The following ADIPOR2 variants were observed in gnomAD, a reference collection of about 807,000 sequenced individuals.
ADIPOR2 encodes adiponectin receptor protein 2.
In ADIPOR2, 18 loss-of-function variants were observed where a neutral mutation model predicts 40.9. The ratio of observed to expected loss-of-function variants is 0.44; its 90% CI spans 0.30 to 0.65. The LOEUF is 0.65. ADIPOR2 is among the 30% of genes least tolerant of loss of function. The probability of loss-of-function intolerance (pLI) is 0.09; values close to 1 mark genes in which losing one functional copy is unlikely to be tolerated. For synonymous variants in ADIPOR2, 165 were observed against 166.4 expected (o/e 0.99, Z 0.06); for missense variants, 283 against 479.2 (o/e 0.59, Z 3.82).
intron 1 of ADIPOR2, among the ~76,000 whole-genome samples, chr12:1,734,109 C>T (rs1018331674): frequency 6.6e-6 from 1 of 152,100 alleles, no homozygotes; most frequent in African/African-American, 2.4e-5. Flanking sequence ...GTTCTCTAAT[C>T]CTTTGGGTAT....
intron 1 of ADIPOR2, among the ~76,000 whole-genome samples, chr12:1,722,714 G>A (rs1261558464): frequency 1.3e-5 from 2 of 152,188 alleles, no homozygotes; most frequent in African/African-American, 2.4e-5. Flanking sequence ...CCTGGATACA[G>A]TTATTATTTG....
At chr12:1,772,266 T>TC (rs1237259091) in intron 2 of ADIPOR2, among the ~76,000 whole-genome samples, 1 of 152,260 alleles carries the variant, frequency 6.6e-6, no homozygotes, top group African/African-American at 2.4e-5. Context: ...TTGGACAACT[T>TC]ACTTAACTTC....
intron 6 of ADIPOR2, among the ~76,000 whole-genome samples, chr12:1,783,235 C>T (rs928865096): frequency 2.0e-5 from 3 of 151,900 alleles, no homozygotes; most frequent in African/African-American, 4.8e-5. Context: ...AGATGGGATA[C>T]GTAAAATTGC....
chr12:1,783,300 C>A (rs1468731612), intron 6 of ADIPOR2, among the ~76,000 whole-genome samples: 1 of 152,158 alleles, frequency 6.6e-6, no homozygotes, highest in South Asian at 2.1e-4. Context: ...TAAATAAACT[C>A]CTGGAGCTGT....
rs1233884339 is a variant in ADIPOR2 at position 1,755,081 on chromosome 12, C to CTT, written c.171+576_171+577dup. On this transcript the variant is annotated intron_variant, in intron 2 of 7. Transcript: ENST00000357103. The stretch of plus-strand genomic sequence containing the variant: ...TATGGTTAATGTCTTTCTGCTGACT[C>CTT]TTTTTTTTTTAATTTCGGAGACGGA... Among the ~76,000 whole-genome samples the CTT allele has an allele frequency of 1.7e-4, 19 of 114,748 alleles. 4 individuals are homozygous for CTT. The East Asian group carries it at 4.7e-3, about 29-fold the overall frequency. The allele number at this position is 114,748 out of a possible 152,430, so 75.3% of individuals were successfully genotyped here.
At chr12:1,701,670 C>A (rs2094650481) in intron 1 of ADIPOR2, among the ~76,000 whole-genome samples, 1 of 152,080 alleles carries the variant, frequency 6.6e-6, no homozygotes, top group African/African-American at 2.4e-5. Context: ...AAATTATTTT[C>A]TATTATATGA....
chr12:1,725,116 G>A (rs1385534439), intron 1 of ADIPOR2, among the ~76,000 whole-genome samples: 3 of 114,592 alleles, frequency 2.6e-5, no homozygotes, highest in South Asian at 3.3e-4. Context: ...TCCAAATACC[G>A]CAAACTTTCT....
chr12:1,695,301 G>T (rs1049955853), intron 1 of ADIPOR2, among the ~76,000 whole-genome samples: 10 of 146,906 alleles, frequency 6.8e-5, no homozygotes, highest in African/African-American at 2.4e-4. Flanking sequence ...ACCAGTCTGG[G>T]CAACACAGCA....
Position 1,691,167 on chromosome 12 carries a change from G to T in ADIPOR2, c.-111G>T, listed in dbSNP as rs1026643789. 1 of 154,900 alleles carries T rather than the reference G, an allele frequency of 6.5e-6. No individual in the cohort carries two copies. The highest frequency in any genetic ancestry group is 2.4e-5 in the African/African-American group (1 of 41,458). The allele number at this position is 154,900 out of a possible 1,614,324, so 9.6% of individuals were successfully genotyped here. A position where few individuals can be genotyped will look rare whatever the true frequency, so the allele number is the denominator to read the frequency against. On this transcript the variant is annotated 5_prime_UTR_variant, in exon 1 of 8. Coordinates refer to ENST00000357103, the MANE Select transcript of ADIPOR2 (RefSeq NM_024551.3). ...CTCCTCCCCCCTCCCCTCAGCGGTG[G>T]CTCCCAAGAAGTCCGAGACACGCGG...
intron 2 of ADIPOR2, among the ~76,000 whole-genome samples, chr12:1,756,313 G>T (rs7978251): frequency 0.065 from 9,819 of 152,016 alleles, 828 homozygotes; most frequent in African/African-American, 0.19. Flanking sequence ...ACCACATCCG[G>T]CTAATTTTTG....
intron 1 of ADIPOR2, among the ~76,000 whole-genome samples, chr12:1,735,357 A>T (rs1199241686): frequency 1.3e-5 from 2 of 152,160 alleles, no homozygotes; most frequent in Admixed American, 6.5e-5. Flanking sequence ...CTTTGAAGCA[A>T]TTGTGAATGG....
chr12:1,704,286 T>C (rs984664447), intron 1 of ADIPOR2, among the ~76,000 whole-genome samples: 2 of 152,128 alleles, frequency 1.3e-5, no homozygotes, highest in Non-Finnish European at 2.9e-5. Context: ...CAGAGTGATA[T>C]GATTGGTGGA....
chr12:1,722,831 G>C (rs1041956298), intron 1 of ADIPOR2, among the ~76,000 whole-genome samples: 1 of 152,182 alleles, frequency 6.6e-6, no homozygotes, highest in African/African-American at 2.4e-5. Context: ...CCTTAGTTTA[G>C]GGAAGTTAAG....
chr12:1,737,955 T>C (rs1280290774), intron 1 of ADIPOR2, among the ~76,000 whole-genome samples: 1 of 152,202 alleles, frequency 6.6e-6, no homozygotes, highest in Admixed American at 6.5e-5. Flanking sequence ...AAGGTCCCTT[T>C]TTTTGATAAT....
chr12:1,740,632 C>T lies in ADIPOR2; in HGVS notation c.-86-13626C>T, dbSNP rs191254535. On this transcript the variant is annotated intron_variant, in intron 1 of 7. Transcript: ENST00000357103. Reference sequence around the variant, plus strand: ...AGAGGCTACAATCAGTGCACACCGCCAGGGAATTTCTGATAGAAACTTCAT... The same window carrying T: ...AGAGGCTACAATCAGTGCACACCGCTAGGGAATTTCTGATAGAAACTTCAT... 4.6e-5 allele frequency among the ~76,000 whole-genome samples: 7 copies of T among 152,296 alleles called. No individual in the cohort carries two copies. In the East Asian group the frequency reaches 1.3e-3, roughly 29 times the overall value.
At chr12:1,692,004 T>A (rs555270282) in intron 1 of ADIPOR2, among the ~76,000 whole-genome samples, 240 of 152,118 alleles carry the variant, frequency 1.6e-3, no homozygotes, top group African/African-American at 5.2e-3. Context: ...ACTTTTTTTT[T>A]AAAATAAGAT....
chr12:1,710,029 T>G (rs1003795990), intron 1 of ADIPOR2, among the ~76,000 whole-genome samples: 1 of 152,218 alleles, frequency 6.6e-6, no homozygotes, highest in South Asian at 2.1e-4. Flanking sequence ...TTCTAAAACA[T>G]GGTGTAAATG....
At chr12:1,743,678 A>T (rs528547164) in intron 1 of ADIPOR2, among the ~76,000 whole-genome samples, 60 of 152,106 alleles carry the variant, frequency 3.9e-4, no homozygotes, top group African/African-American at 1.4e-3. Context: ...ATATTAAATT[A>T]AAAAAAACCC....
intron 1 of ADIPOR2, among the ~76,000 whole-genome samples, chr12:1,753,627 G>A (rs570986985): frequency 6.6e-6 from 1 of 152,252 alleles, no homozygotes; most frequent in South Asian, 2.1e-4. Flanking sequence ...TGGATAATAT[G>A]TGCTTATAAA....
Sources: allele counts gnomAD v4.1 joint callset (sites outside exome capture counted in the v4.1 genomes callset), GRCh38; gene constraint gnomAD v4.1.1; transcripts MANE v1.5; gene names NCBI Gene and HGNC (gene_info 2026-07-23, HGNC 2026-07-21).